The following KAZN variants were observed in gnomAD, a reference collection of about 807,000 sequenced individuals.
KAZN encodes kazrin, periplakin interacting protein.
Under a neutral mutation model 87.4 loss-of-function variants are expected in KAZN, and 40 were observed. The observed-to-expected ratio is 0.46, with a 90% CI of 0.36 to 0.60. The LOEUF (loss-of-function observed/expected upper bound fraction) is 0.60. Ranked by LOEUF, KAZN falls within the 20% of genes least tolerant of loss-of-function variation. The probability of loss-of-function intolerance (pLI) is 0.00; values close to 1 mark genes in which losing one functional copy is unlikely to be tolerated. For missense variants in KAZN, 898 were observed against 1,073.9 expected (o/e 0.84, Z 2.29); for synonymous variants, 466 against 458.3 (o/e 1.02, Z -0.22).
At chr1:14,251,643 CTTTTTTTTT>C (rs549092023) in intron 2 of KAZN, among the ~76,000 whole-genome samples, 3 of 90,342 alleles carry the variant, frequency 3.3e-5, no homozygotes, top group Non-Finnish European at 3.9e-5. Flanking sequence ...TTCTCCCGGA[CTTTTTTTTT>C]TTTTTTTTTT....
intron 3 of KAZN, among the ~76,000 whole-genome samples, chr1:15,038,113 G>A (rs1308916170): frequency 6.6e-6 from 1 of 152,116 alleles, no homozygotes; most frequent in African/African-American, 2.4e-5. Context: ...AATTAGTGGG[G>A]CAGGGTGGCA....
intron 2 of KAZN, among the ~76,000 whole-genome samples, chr1:14,572,869 C>T (rs1012571186): frequency 2.0e-5 from 3 of 152,188 alleles, no homozygotes; most frequent in Non-Finnish European, 4.4e-5. Flanking sequence ...ACGGATTAAA[C>T]ATTTATGTAA....
chr1:14,725,121 G>T (rs1048570881), intron 1 of KAZN, among the ~76,000 whole-genome samples: 2 of 152,178 alleles, frequency 1.3e-5, no homozygotes, highest in African/African-American at 2.4e-5. Flanking sequence ...GGGGCCATTG[G>T]GGCTGATTTG....
At chr1:14,809,561 T>A (rs1646340028) in intron 1 of KAZN, among the ~76,000 whole-genome samples, 1 of 152,202 alleles carries the variant, frequency 6.6e-6, no homozygotes, top group Non-Finnish European at 1.5e-5. Context: ...TGTTATTGAA[T>A]TCCAAGTGCC....
intron 2 of KAZN, among the ~76,000 whole-genome samples, chr1:14,332,764 AC>A (rs1656942689): frequency 1.3e-5 from 2 of 152,108 alleles, no homozygotes; most frequent in Non-Finnish European, 2.9e-5. Flanking sequence ...TTGAGTTTTT[AC>A]ACCTGAAGGA....
chr1:14,393,641 A>G (rs972245940), intron 2 of KAZN, among the ~76,000 whole-genome samples: 10 of 152,050 alleles, frequency 6.6e-5, no homozygotes, highest in Middle Eastern at 6.8e-3. Context: ...CTGACAATTA[A>G]TATCTGTGCT....
At chr1:14,861,069 A>G (rs1650788034) in intron 1 of KAZN, among the ~76,000 whole-genome samples, 1 of 152,230 alleles carries the variant, frequency 6.6e-6, no homozygotes, top group African/African-American at 2.4e-5. Flanking sequence ...AAGTAATTGC[A>G]GTTTTTGCCA....
intron 2 of KAZN, among the ~76,000 whole-genome samples, chr1:14,349,684 A>G (rs1407225945): frequency 6.6e-6 from 1 of 152,198 alleles, no homozygotes; most frequent in Non-Finnish European, 1.5e-5. Context: ...ACAGCCCTAC[A>G]GTGAAAATGA....
At chr1:14,700,415 G>A (rs1243628528) in intron 1 of KAZN, among the ~76,000 whole-genome samples, 1 of 151,658 alleles carries the variant, frequency 6.6e-6, no homozygotes, top group Non-Finnish European at 1.5e-5. Flanking sequence ...AGGTTGCAGT[G>A]AGCCGAGATC....
At chr1:14,228,714 A>G (rs1423093496) in intron 2 of KAZN, among the ~76,000 whole-genome samples, 1 of 152,264 alleles carries the variant, frequency 6.6e-6, no homozygotes, top group Non-Finnish European at 1.5e-5. Flanking sequence ...AAAGGCAAAG[A>G]CAGTTCTAAT....
At chr1:14,275,649 T>A (rs949484256) in intron 2 of KAZN, among the ~76,000 whole-genome samples, 1 of 152,216 alleles carries the variant, frequency 6.6e-6, no homozygotes, top group Non-Finnish European at 1.5e-5. Context: ...TTACAGCGAT[T>A]TACTATCTGT....
chr1:14,396,006 A>G (rs931739108), intron 2 of KAZN, among the ~76,000 whole-genome samples: 43 of 151,860 alleles, frequency 2.8e-4, no homozygotes, highest in Non-Finnish European at 1.3e-4. Flanking sequence ...CATCTCTACA[A>G]AAAATACAAA....
At chr1:14,902,227 A>T (rs1656005692) in intron 1 of KAZN, among the ~76,000 whole-genome samples, 1 of 144,858 alleles carries the variant, frequency 6.9e-6, no homozygotes. Flanking sequence ...GAGAACTGCA[A>T]TTTTTTTTTT....
intron 1 of KAZN, among the ~76,000 whole-genome samples, chr1:13,957,237 C>T (rs1165304580): frequency 6.6e-6 from 1 of 152,098 alleles, no homozygotes; most frequent in Non-Finnish European, 1.5e-5. Flanking sequence ...TCCCCTCACT[C>T]GTAATGTGTG....
At chr1:14,716,542 G>A (rs772497606) in intron 1 of KAZN, among the ~76,000 whole-genome samples, 3 of 152,028 alleles carry the variant, frequency 2.0e-5, no homozygotes, top group South Asian at 2.1e-4. Context: ...CCTCCCTGTC[G>A]GCAGCCTTGT....
chr1:14,198,342 G>T (rs1646570952), intron 2 of KAZN, among the ~76,000 whole-genome samples: 1 of 152,212 alleles, frequency 6.6e-6, no homozygotes, highest in South Asian at 2.1e-4. Flanking sequence ...GCTCACACCT[G>T]TAATCCCAGC....
chr1:13,932,316 A>G (rs1482227156), intron 1 of KAZN, among the ~76,000 whole-genome samples: 25 of 139,594 alleles, frequency 1.8e-4, no homozygotes, highest in Non-Finnish European at 3.0e-4. Flanking sequence ...GCTGGAGTGC[A>G]GTGGCGGGAT....
At chr1:14,502,513 C>T (rs1670313580) in intron 2 of KAZN, among the ~76,000 whole-genome samples, 1 of 152,126 alleles carries the variant, frequency 6.6e-6, no homozygotes, top group African/African-American at 2.4e-5. Flanking sequence ...GTAGAGAAAC[C>T]ATGAGCTCTC....
intron 1 of KAZN, among the ~76,000 whole-genome samples, chr1:14,745,244 T>A (rs1644228539): frequency 7.0e-6 from 1 of 142,224 alleles, no homozygotes; most frequent in Admixed American, 7.2e-5. Context: ...GGGGCGTTTA[T>A]CATTAAAAGA....
Sources: allele counts gnomAD v4.1 joint callset (sites outside exome capture counted in the v4.1 genomes callset), GRCh38; gene constraint gnomAD v4.1.1; transcripts MANE v1.5; gene names NCBI Gene and HGNC (gene_info 2026-07-23, HGNC 2026-07-21).